Variants in MGMT observed in about 807,000 individuals in gnomAD.
MGMT encodes the protein O-6-methylguanine-DNA methyltransferase.
In MGMT, 14 loss-of-function variants were observed where a neutral mutation model predicts 15.9. The observed-to-expected ratio is 0.88, with a 90% confidence interval of 0.58 to 1.37. The LOEUF (loss-of-function observed/expected upper bound fraction) is 1.37, where lower values mean the gene tolerates loss of function less well. MGMT is among the 40% of genes most tolerant of loss of function. The probability of loss-of-function intolerance (pLI) is 0.00; values close to 1 mark genes in which losing one functional copy is unlikely to be tolerated. For synonymous variants in MGMT, 130 were observed against 118.2 expected, an observed-to-expected ratio of 1.10 and a Z score of -0.65; for missense variants, 282 against 268.1, an observed-to-expected ratio of 1.05 and a Z score of -0.36.
chr10:129,488,344 T>C (rs1243902233), intron 1 of MGMT, among the ~76,000 whole-genome samples: 1 of 152,190 alleles, frequency 6.6e-6, no homozygotes, highest in African/African-American at 2.4e-5. Flanking sequence ...TCAGCATCTT[T>C]TCGTGTTGCC....
At chr10:129,670,087 T>G (rs983486780) in intron 2 of MGMT, among the ~76,000 whole-genome samples, 1 of 149,316 alleles carries the variant, frequency 6.7e-6, no homozygotes, top group Admixed American at 6.8e-5. Flanking sequence ...CTGACTAAAT[T>G]TCATAGAAAT....
intron 2 of MGMT, among the ~76,000 whole-genome samples, chr10:129,655,762 C>G (rs759653836): frequency 8.5e-5 from 13 of 152,156 alleles, no homozygotes; most frequent in Admixed American, 2.0e-4. Context: ...GGGAATTTCA[C>G]TTTGGATGGA....
intron 3 of MGMT, among the ~76,000 whole-genome samples, chr10:129,720,216 T>A (rs11016889): frequency 0.061 from 9,360 of 152,306 alleles, 720 homozygotes; most frequent in African/African-American, 0.19. Context: ...TTTCAACCAT[T>A]ATTTCTTCTC....
chr10:129,684,101 A>T (rs562618587), intron 2 of MGMT, among the ~76,000 whole-genome samples: 1 of 152,226 alleles, frequency 6.6e-6, no homozygotes, highest in Admixed American at 6.5e-5. Context: ...TTCAGTCTAC[A>T]TACAATTAAT....
intron 2 of MGMT, among the ~76,000 whole-genome samples, chr10:129,674,433 G>C (rs923848278): frequency 6.6e-6 from 1 of 152,168 alleles, no homozygotes; most frequent in Non-Finnish European, 1.5e-5. Context: ...TCCTGCCCCT[G>C]CCCCTGAAGT....
intron 2 of MGMT, among the ~76,000 whole-genome samples, chr10:129,672,765 T>C (rs1160821723): frequency 1.3e-5 from 2 of 152,250 alleles, no homozygotes; most frequent in Non-Finnish European, 2.9e-5. Flanking sequence ...TATTTTACAT[T>C]CCAACACCTG....
intron 1 of MGMT, among the ~76,000 whole-genome samples, chr10:129,516,773 C>T (rs546879035): frequency 1.3e-5 from 2 of 152,048 alleles, no homozygotes; most frequent in African/African-American, 2.4e-5. Context: ...ATGGAAGGAG[C>T]GGTATTCTTG....
intron 1 of MGMT, among the ~76,000 whole-genome samples, chr10:129,498,350 T>C (rs1428746893): frequency 1.3e-5 from 2 of 152,202 alleles, no homozygotes; most frequent in Non-Finnish European, 2.9e-5. Flanking sequence ...CTGCTCAGGC[T>C]TTCACCCACT....
At chr10:129,725,176 C>T (rs568949325) in intron 3 of MGMT, among the ~76,000 whole-genome samples, 1 of 152,360 alleles carries the variant, frequency 6.6e-6, no homozygotes, top group South Asian at 2.1e-4. Context: ...TGCAGCCTTG[C>T]ACTCAGCTTT....
intron 2 of MGMT, among the ~76,000 whole-genome samples, chr10:129,571,842 T>A (rs1018393718): frequency 6.6e-6 from 1 of 152,250 alleles, no homozygotes; most frequent in African/African-American, 2.4e-5. Context: ...GATATAAATA[T>A]GACTTTTATA....
At chr10:129,653,193 C>G (rs1008308121) in intron 2 of MGMT, among the ~76,000 whole-genome samples, 1 of 152,198 alleles carries the variant, frequency 6.6e-6, no homozygotes, top group Non-Finnish European at 1.5e-5. Context: ...ACTTCATGTC[C>G]GGTTATTAAT....
intron 2 of MGMT, among the ~76,000 whole-genome samples, chr10:129,540,000 C>T (rs1045020094): frequency 3.3e-5 from 5 of 152,158 alleles, no homozygotes; most frequent in African/African-American, 1.2e-4. Flanking sequence ...GGAGGGTTGA[C>T]ATCTTGATAC....
At chr10:129,636,216 G>A (rs1232159506) in intron 2 of MGMT, among the ~76,000 whole-genome samples, 3 of 152,120 alleles carry the variant, frequency 2.0e-5, no homozygotes, top group African/African-American at 2.4e-5. Flanking sequence ...TTTCTCACCC[G>A]AGTCCAGCCG....
At chr10:129,599,582 A>G (rs1308476332) in intron 2 of MGMT, among the ~76,000 whole-genome samples, 6 of 152,092 alleles carry the variant, frequency 3.9e-5, no homozygotes, top group African/African-American at 1.4e-4. Flanking sequence ...ATTTCCAACC[A>G]TTGTCCTTCC....
chr10:129,758,564 C>T (rs1344120243), intron 3 of MGMT, among the ~76,000 whole-genome samples: 1 of 152,050 alleles, frequency 6.6e-6, no homozygotes, highest in Non-Finnish European at 1.5e-5. Flanking sequence ...CAGGATGCGG[C>T]ACAAATGCAG....
chr10:129,724,118 G>A (rs1848405989), intron 3 of MGMT, among the ~76,000 whole-genome samples: 1 of 152,178 alleles, frequency 6.6e-6, no homozygotes, highest in South Asian at 2.1e-4. Context: ...CTGCAATTGG[G>A]AATTGCTTGT....
intron 1 of MGMT, among the ~76,000 whole-genome samples, chr10:129,467,989 G>A (rs1224048422): frequency 1.3e-5 from 2 of 152,200 alleles, no homozygotes; most frequent in Non-Finnish European, 2.9e-5. Context: ...TTTCTGTCCT[G>A]GAAAGCAGAC....
intron 1 of MGMT, among the ~76,000 whole-genome samples, chr10:129,475,424 G>A (rs575219513): frequency 1.1e-3 from 168 of 152,312 alleles, no homozygotes; most frequent in African/African-American, 3.9e-3. Context: ...GGATGCTGCG[G>A]GTCTTATAAG....
Position 129,536,370 on chromosome 10 carries a change from G to A in MGMT, c.118G>A (p.Ala40Thr). 3 of 1,612,984 alleles carry A rather than the reference G, an allele frequency of 1.9e-6. No homozygotes were observed. The highest frequency in any genetic ancestry group is 2.5e-6 in the Non-Finnish European group (3 of 1,179,752). Residue 40 changes from alanine (A) to threonine (T), a missense_variant, in exon 2 of 5, where the codon GCA becomes ACA. Physicochemically the swap from Ala to Thr is moderately conservative, Grantham distance 58. Transcript: ENST00000651593. ...EIKLLGKGTS[A>T]ADAVEVPAPA... ...AAAGCTCCTGGGCAAGGGGACGTCT[G>A]CAGCTGAGTAAGTATGAGCCCACGT...
Sources: gnomAD v4.1 joint callset for allele counts (sites outside exome capture counted in the v4.1 genomes callset) on GRCh38, gnomAD v4.1.1 for gene constraint, MANE v1.5 for transcripts, NCBI Gene and HGNC (gene_info 2026-07-23, HGNC 2026-07-21) for gene names.